TAF3: variants seen among roughly 807,000 people sequenced by gnomAD.
The protein encoded by TAF3 is TATA-box binding protein associated factor 3.
A neutral mutation model predicts 80.6 loss-of-function variants in TAF3; 7 were observed. The observed-to-expected ratio is 0.09, with a 90% CI of 0.05 to 0.16. The LOEUF is 0.16. TAF3 is among the 10% of genes least tolerant of loss of function. TAF3 has a pLI of 1.00. For missense variants in TAF3, 921 were observed against 1,140.2 expected, an observed-to-expected ratio of 0.81 and a Z score of 2.77; for synonymous variants, 444 against 446.1, an observed-to-expected ratio of 1.00 and a Z score of 0.06.
At chr10:7,839,884 A>G (rs1169486406) in intron 2 of TAF3, among the ~76,000 whole-genome samples, 1 of 152,214 alleles carries the variant, frequency 6.6e-6, no homozygotes, top group Non-Finnish European at 1.5e-5. Context: ...AGGTGTATAC[A>G]TGTCAGCAGT....
intron 4 of TAF3, among the ~76,000 whole-genome samples, chr10:7,992,185 G>C (rs995542071): frequency 2.6e-5 from 4 of 152,168 alleles, no homozygotes; most frequent in Non-Finnish European, 5.9e-5. Context: ...GTTTGCTGCA[G>C]AGCAGCAAAA....
chr10:7,833,441 T>C (rs547444453), intron 2 of TAF3, among the ~76,000 whole-genome samples: 43 of 152,350 alleles, frequency 2.8e-4, no homozygotes, highest in African/African-American at 1.0e-3. Context: ...ATTTCTGTAA[T>C]GATTAGTAAT....
At chr10:7,950,519 C>A (rs991623312) in intron 2 of TAF3, among the ~76,000 whole-genome samples, 1 of 152,172 alleles carries the variant, frequency 6.6e-6, no homozygotes, top group Non-Finnish European at 1.5e-5. Context: ...CATATTTATT[C>A]TTTTCATGAA....
intron 2 of TAF3, among the ~76,000 whole-genome samples, chr10:7,899,720 A>G (rs182816554): frequency 2.6e-5 from 4 of 152,364 alleles, no homozygotes; most frequent in East Asian, 1.9e-4. Flanking sequence ...TATGTATATG[A>G]TAGACTATTG....
intron 2 of TAF3, among the ~76,000 whole-genome samples, chr10:7,939,015 A>G (rs1564367392): frequency 6.6e-6 from 1 of 152,240 alleles, no homozygotes; most frequent in Non-Finnish European, 1.5e-5. Flanking sequence ...AGCAGAGTAG[A>G]GGAAGCTAAA....
intron 2 of TAF3, among the ~76,000 whole-genome samples, chr10:7,875,697 A>G (rs563853851): frequency 6.1e-4 from 93 of 152,364 alleles, no homozygotes; most frequent in Non-Finnish European, 1.1e-3. Flanking sequence ...CTTTTAAAAT[A>G]TATCTAGTTT....
chr10:7,968,469 C>G (rs577839785), intron 3 of TAF3, among the ~76,000 whole-genome samples: 14 of 152,272 alleles, frequency 9.2e-5, no homozygotes, highest in Admixed American at 9.2e-4. Flanking sequence ...TCCAGCAGAC[C>G]TGGAATAAGA....
chr10:7,897,744 C>T (rs1837519042), intron 2 of TAF3, among the ~76,000 whole-genome samples: 1 of 151,596 alleles, frequency 6.6e-6, no homozygotes, highest in Non-Finnish European at 1.5e-5. Flanking sequence ...ACTACAGTCT[C>T]AAACTCCTGG....
At chr10:7,936,772 C>T (rs1366519218) in intron 2 of TAF3, among the ~76,000 whole-genome samples, 1 of 152,164 alleles carries the variant, frequency 6.6e-6, no homozygotes, top group African/African-American at 2.4e-5. Context: ...AGACATGTAT[C>T]TACCATTGCA....
intron 2 of TAF3, among the ~76,000 whole-genome samples, chr10:7,883,805 C>T (rs1189600272): frequency 6.6e-6 from 1 of 152,082 alleles, no homozygotes; most frequent in African/African-American, 2.4e-5. Flanking sequence ...CTTAGAATAC[C>T]TGGGTAATTT....
intron 2 of TAF3, among the ~76,000 whole-genome samples, chr10:7,920,678 A>G (rs761853707): frequency 4.6e-5 from 7 of 152,220 alleles, no homozygotes; most frequent in Non-Finnish European, 8.8e-5. Context: ...CAGAATTGAG[A>G]TGAAAATCAC....
chr10:7,851,489 C>G (rs1399676673), intron 2 of TAF3, among the ~76,000 whole-genome samples: 1 of 151,978 alleles, frequency 6.6e-6, no homozygotes, highest in East Asian at 1.9e-4. Flanking sequence ...GGAATTGAAG[C>G]ATTTTCATGT....
chr10:7,866,991 G>A (rs1837220588), intron 2 of TAF3, among the ~76,000 whole-genome samples: 1 of 152,176 alleles, frequency 6.6e-6, no homozygotes, highest in Non-Finnish European at 1.5e-5. Flanking sequence ...GGGCGTGGTG[G>A]CTCACACCTG....
At chr10:7,976,413 ATTT>A (rs1220558314) in intron 3 of TAF3, among the ~76,000 whole-genome samples, 5 of 128,628 alleles carry the variant, frequency 3.9e-5, no homozygotes, top group Admixed American at 7.7e-5. Flanking sequence ...TGACTGGCTA[ATTT>A]TTTTTTTTTT....
intron 2 of TAF3, among the ~76,000 whole-genome samples, chr10:7,912,854 C>T (rs1035811546): frequency 1.3e-5 from 2 of 152,104 alleles, no homozygotes; most frequent in Admixed American, 6.5e-5. Flanking sequence ...AATCGGACCC[C>T]GGAATCCCTT....
chr10:7,973,243 C>T (rs1382058035), intron 3 of TAF3, among the ~76,000 whole-genome samples: 1 of 152,026 alleles, frequency 6.6e-6, no homozygotes, highest in Non-Finnish European at 1.5e-5. Flanking sequence ...TAAAAATGGG[C>T]CAAACACACA....
chr10:7,980,131 T>C (rs1013995414), intron 4 of TAF3, among the ~76,000 whole-genome samples: 1 of 152,078 alleles, frequency 6.6e-6, no homozygotes, highest in Non-Finnish European at 1.5e-5. Context: ...AATACTCTTT[T>C]GAAGTGAAAT....
rs548632425 is a variant in TAF3 at position 7,892,705 on chromosome 10, G to A, written c.409+68145G>A. On this transcript the variant is annotated intron_variant, in intron 2 of 6. Coordinates refer to ENST00000344293, the MANE Select transcript of TAF3 (RefSeq NM_031923.4). ...AAAAATTCCAACAGTATTTTTGGTT[G>A]GTCAGCCAGTTAGTTGGTCAGTTAG... 5.9e-4 allele frequency among the ~76,000 whole-genome samples: 89 copies of A among 151,966 alleles called. 4 individuals carry two copies. The South Asian group carries it at 0.017, about 29-fold the overall frequency.
chr10:7,833,729 C>T (rs897637586), intron 2 of TAF3: 5 of 226,146 alleles, frequency 2.2e-5, no homozygotes, highest in Non-Finnish European at 4.7e-5. Flanking sequence ...TGAAATTCTT[C>T]TCCTCAGTGG....
Sources: allele counts gnomAD v4.1 joint callset (sites outside exome capture counted in the v4.1 genomes callset), GRCh38; gene constraint gnomAD v4.1.1; transcripts MANE v1.5; gene names NCBI Gene and HGNC (gene_info 2026-07-23, HGNC 2026-07-21).